Variants in C1orf116 observed in about 807,000 individuals in gnomAD.
The protein encoded by C1orf116 is chromosome 1 open reading frame 116.
In C1orf116, 12 loss-of-function variants were observed where a neutral mutation model predicts 14.1. The observed-to-expected ratio is 0.85, with a 90% CI of 0.54 to 1.38. The LOEUF (loss-of-function observed/expected upper bound fraction) is 1.38, where lower values mean the gene tolerates loss of function less well. Ranked by LOEUF, C1orf116 falls within the 40% of genes most tolerant of loss-of-function variation. The pLI, the probability that C1orf116 is intolerant of heterozygous loss-of-function variation, is 0.00. For missense variants in C1orf116, 797 were observed against 747.0 expected, an observed-to-expected ratio of 1.07 and a Z score of -0.78; for synonymous variants, 296 against 299.0, an observed-to-expected ratio of 0.99 and a Z score of 0.10.
Position 207,024,947 on chromosome 1 carries a change from C to G in C1orf116, c.223G>C (p.Glu75Gln), listed in dbSNP as rs1292595149. 1 of 1,613,998 alleles carries G rather than the reference C, an allele frequency of 6.2e-7. No individual in the cohort carries two copies. The highest frequency in any genetic ancestry group is 1.3e-5 in the African/African-American group (1 of 74,892). Residue 75 changes from glutamate to glutamine, a missense_variant, in exon 3 of 4, where the codon GAG (glutamate) becomes CAG (glutamine). Coordinates refer to ENST00000359470, the MANE Select transcript of C1orf116 (RefSeq NM_023938.6). ...AAACCTCTGGGAGTTGTGGCTGGCT[C>G]AGACTCGTCAGTGGACAGTCCGCTG... ...ADSGLSTDES[E>Q]PATTPRGFRA...
In C1orf116 at chr1:207,019,349, C is replaced by T. The variant is rs951405184; in HGVS notation, c.*2609G>A. The T allele has an allele frequency of 2.6e-5, 4 of 152,254 alleles. No individual in the cohort carries two copies. Among genetic ancestry groups the T allele is most frequent in the Admixed American group, 2.6e-4 (4 of 15,284 alleles). 9.4% of individuals were successfully genotyped at this position (152,254 alleles called of 1,614,324 possible). A position where few individuals can be genotyped will look rare whatever the true frequency, so the allele number is the denominator to read the frequency against. On this transcript the variant is annotated 3_prime_UTR_variant, in exon 4 of 4. Coordinates refer to ENST00000359470, the MANE Select transcript of C1orf116 (RefSeq NM_023938.6). ...GTGCCCAGTGGCATCAAGGCTATGGCAGGGTATAGCAGAGATCTAAGGCCA... is the reference window on the plus strand; with the variant it reads ...GTGCCCAGTGGCATCAAGGCTATGGTAGGGTATAGCAGAGATCTAAGGCCA...
At chr1:207,024,304 G>A (rs1007905807) in intron 3 of C1orf116, among the ~76,000 whole-genome samples, 4 of 152,186 alleles carry the variant, frequency 2.6e-5, no homozygotes, top group Non-Finnish European at 4.4e-5. Context: ...CAATACCAGC[G>A]GGACTGTCCT....
Position 207,024,899 on chromosome 1 carries a change from G to T in C1orf116, c.271C>A (p.Pro91Thr), listed in dbSNP as rs143212097. The change falls in exon 3 of 4, where the codon CCC becomes ACC. Residue 91 changes from proline to threonine, a missense_variant. Coordinates refer to ENST00000359470, the MANE Select transcript of C1orf116 (RefSeq NM_023938.6). ...RGFRALPITQ[P>T]TPRGGPEETI... ...GGGTCTGCCTTACCCCGGGGAGTGG[G>T]TTGGGTTATGGGCAGTGCTCGGAAA... The T allele has an allele frequency of 2.5e-6, 4 of 1,612,272 alleles. No homozygotes were observed. Among genetic ancestry groups the T allele is most frequent in the Non-Finnish European group, 3.4e-6 (4 of 1,178,572 alleles).
rs1214685497 is a variant in C1orf116 at position 207,020,981 on chromosome 1, G to A, written c.*977C>T. On this transcript the variant is annotated 3_prime_UTR_variant, in exon 4 of 4. Transcript: ENST00000359470. ...CTGATATTCTATTAAGACTGGCAGA[G>A]GATGTATTGTGTGGGTTTTCTATCA... 6.6e-6 allele frequency: 1 copy of A among 152,188 alleles called. No homozygotes were observed. Among genetic ancestry groups the A allele is most frequent in the Non-Finnish European group, 1.5e-5 (1 of 68,022 alleles). The allele number at this position is 152,188 out of a possible 1,614,324, so 9.4% of individuals were successfully genotyped here.
Position 207,022,208 on chromosome 1 carries a change from G to A in C1orf116, c.1556C>T (p.Ser519Leu), listed in dbSNP as rs754259052. The A allele has an allele frequency of 5.6e-6, 9 of 1,613,936 alleles. No homozygotes were observed. Among genetic ancestry groups the A allele is most frequent in the Admixed American group, 3.3e-5 (2 of 59,994 alleles). Residue 519 changes from serine (S) to leucine (L), a missense_variant, in exon 4 of 4, where the codon TCG (serine) becomes TTG (leucine). Coordinates refer to ENST00000359470, the MANE Select transcript of C1orf116 (RefSeq NM_023938.6). ...CCGAGAATTACGTAAGACACTGGGC[G>A]AGATCTTGTCCAAGAAGGAGCCCTT... ...LGKGSFLDKISPSVLRNSRPR... is the reference protein window; with the variant it reads ...LGKGSFLDKILPSVLRNSRPR...
chr1:207,030,167 C>A (rs1204626841), intron 1 of C1orf116, among the ~76,000 whole-genome samples: 1 of 152,184 alleles, frequency 6.6e-6, no homozygotes, highest in East Asian at 1.9e-4. Flanking sequence ...ATTCGATCTT[C>A]AGCATAAACT....
At position 207,023,172 on chromosome 1, in the gene C1orf116, T is replaced by G; in HGVS notation, c.592A>C (p.Ile198Leu). The G allele has an allele frequency of 6.2e-7, 1 of 1,610,178 alleles. No individual in the cohort carries two copies. Among genetic ancestry groups the G allele is most frequent in the Non-Finnish European group, 8.5e-7 (1 of 1,177,946 alleles). ...EAALDLDVVL[I>L]PPPEAFRDTQ... The stretch of plus-strand genomic sequence containing the variant: ...TCCCGGAAAGCTTCTGGCGGAGGGA[T>G]GAGCACCACGTCCAAGTCAAGGGCA... The change falls in exon 4 of 4, where the codon ATC becomes CTC. Residue 198 changes from isoleucine to leucine, a missense_variant. By Grantham distance (5) the Ile-to-Leu change is conservative (BLOSUM62 2). Coordinates refer to ENST00000359470, the MANE Select transcript of C1orf116 (RefSeq NM_023938.6).
rs1450307777 is a variant in C1orf116, at chr1:207,018,827, C to T, written c.*3131G>A. The stretch of plus-strand genomic sequence containing the variant: ...GACTTCTCCTGTCCATCCCCTTGGC[C>T]CCCTCTCCTCTAGTCCATGAGATTA... On this transcript the variant is annotated 3_prime_UTR_variant, in exon 4 of 4. Transcript: ENST00000359470. 2 of 152,280 alleles carry T rather than the reference C, an allele frequency of 1.3e-5. No homozygotes were observed. Among genetic ancestry groups the T allele is most frequent in the Non-Finnish European group, 2.9e-5 (2 of 68,138 alleles). 9.4% of individuals were successfully genotyped at this position (152,280 alleles called of 1,614,324 possible).
chr1:207,027,169 G>T (rs888135707), intron 2 of C1orf116, among the ~76,000 whole-genome samples: 4 of 152,186 alleles, frequency 2.6e-5, no homozygotes, highest in African/African-American at 9.7e-5. Flanking sequence ...AATAATCCAT[G>T]TGCTACAAGA....
rs753113430 is a variant in C1orf116 at position 207,022,419 on chromosome 1, G to T, written c.1345C>A (p.Pro449Thr). Residue 449 changes from proline (P) to threonine (T), a missense_variant, in exon 4 of 4, where the codon CCA becomes ACA. Pro to Thr is a conservative substitution (Grantham distance 38). Coordinates refer to ENST00000359470, the MANE Select transcript of C1orf116 (RefSeq NM_023938.6). ...KSMPISIPKAPRANSALTPPK... is the reference protein window; with the variant it reads ...KSMPISIPKATRANSALTPPK... ...GGAGTCAGGGCACTGTTTGCCCTTG[G>T]GGCCTTAGGGATAGAAATTGGCATA... 6.2e-6 allele frequency: 10 copies of T among 1,614,216 alleles called. No homozygotes were observed. In the Admixed American group the frequency reaches 1.7e-4, roughly 27 times the overall value.
Position 207,021,909 on chromosome 1 carries a change from T to A in C1orf116, c.*49A>T, listed in dbSNP as rs780380334. ...GTGGCAAAGGCTCCCAAGTGGAGCA[T>A]GTGTCTCTTCTTGTTCAGCCAGGAC... On this transcript the variant is annotated 3_prime_UTR_variant, in exon 4 of 4. Coordinates refer to ENST00000359470, the MANE Select transcript of C1orf116 (RefSeq NM_023938.6). 1.4e-6 allele frequency: 2 copies of A among 1,472,874 alleles called. No homozygotes were observed. Among genetic ancestry groups the A allele is most frequent in the Admixed American group, 2.4e-5 (1 of 41,966 alleles). The allele number at this position is 1,472,874 out of a possible 1,614,324, so 91.2% of individuals were successfully genotyped here.
rs757954124 is a variant in C1orf116 at position 207,023,404 on chromosome 1, A to G, written c.360T>C (p.Pro120=). 1 of 1,613,862 alleles carries G rather than the reference A, an allele frequency of 6.2e-7. No homozygotes were observed. Among genetic ancestry groups the G allele is most frequent in the Non-Finnish European group, 8.5e-7 (1 of 1,179,946 alleles). ...TVTESSSSHP[P]EPQGLGLRSG... is the part of the protein sequence containing the mutation. Reference sequence around the variant, plus strand: ...ACCTGAGGCCTAGGCCCTGGGGCTCAGGAGGGTGGGATGAGCTGGACTCAG... The same window carrying G: ...ACCTGAGGCCTAGGCCCTGGGGCTCGGGAGGGTGGGATGAGCTGGACTCAG... Residue 120 remains proline, a synonymous_variant, in exon 4 of 4, where the codon CCT becomes CCC. Transcript: ENST00000359470.
Position 207,022,250 on chromosome 1 carries a change from G to A in C1orf116, c.1514C>T (p.Thr505Ile). ...LSTEKDASPKTSTSLGKGSFL... is the reference protein window; with the variant it reads ...LSTEKDASPKISTSLGKGSFL... ...GGAGCCCTTTCCCAGAGAAGTGCTG[G>A]TTTTGGGGCTGGCATCTTTCTCAGT... The change falls in exon 4 of 4, where the codon ACC becomes ATC. Residue 505 changes from threonine (T) to isoleucine (I), a missense_variant. Thr to Ile is a moderately conservative substitution (Grantham distance 89). Transcript: ENST00000359470. 6.2e-7 allele frequency: 1 copy of A among 1,613,932 alleles called. No homozygotes were observed. Among genetic ancestry groups the A allele is most frequent in the East Asian group, 2.2e-5 (1 of 44,882 alleles).
rs1027605468 is a variant in C1orf116 at position 207,018,721 on chromosome 1, A to G, written c.*3237T>C. On this transcript the variant is annotated 3_prime_UTR_variant, in exon 4 of 4. Transcript: ENST00000359470. ...AAGTGATGGAGGCTGAATTTGAGCCAGATCTATATGCTCCATCATCACTCT... is the reference window on the plus strand; with the variant it reads ...AAGTGATGGAGGCTGAATTTGAGCCGGATCTATATGCTCCATCATCACTCT... The G allele has an allele frequency of 2.0e-5, 3 of 152,208 alleles. No individual in the cohort carries two copies. Among genetic ancestry groups the G allele is most frequent in the Non-Finnish European group, 2.9e-5 (2 of 68,042 alleles). The allele number at this position is 152,208 out of a possible 1,614,324, so 9.4% of individuals were successfully genotyped here. A position where few individuals can be genotyped will look rare whatever the true frequency, so the allele number is the denominator to read the frequency against.
intron 3 of C1orf116, 53 bp downstream of exon 3, chr1:207,024,834 C>T: frequency 6.3e-7 from 1 of 1,586,864 alleles, no homozygotes; most frequent in Non-Finnish European, 8.6e-7. Context: ...CCGGAGGGGA[C>T]ATATTGATTT....
Position 207,032,688 on chromosome 1 carries a change from T to C in C1orf116, c.-191A>G, listed in dbSNP as rs1349892925. The C allele has an allele frequency of 5.0e-5, 49 of 985,376 alleles. No homozygotes were observed. The highest frequency in any genetic ancestry group is 5.9e-5 in the Non-Finnish European group (49 of 829,986). The allele number at this position is 985,376 out of a possible 1,614,324, so 61.0% of individuals were successfully genotyped here. On this transcript the variant is annotated 5_prime_UTR_variant, in exon 1 of 4. Coordinates refer to ENST00000359470, the MANE Select transcript of C1orf116 (RefSeq NM_023938.6). ...GCCTCCTACTGTTTTCTTCTCCTTTTGAGCTCCTCCTGACTTACCTAGATA... is the reference window on the plus strand; with the variant it reads ...GCCTCCTACTGTTTTCTTCTCCTTTCGAGCTCCTCCTGACTTACCTAGATA...
At chr1:207,025,155 G>A (rs905497366) in intron 2 of C1orf116, 91 bp from the exon 3 acceptor site, 22 of 997,660 alleles carry the variant, frequency 2.2e-5, no homozygotes, top group Non-Finnish European at 2.2e-5. Context: ...GTGAGAAAGC[G>A]CTCCCTCCGC....
chr1:207,022,014 C>G lies in C1orf116; in HGVS notation c.1750G>C (p.Val584Leu). 6.4e-7 allele frequency: 1 copy of G among 1,564,044 alleles called. No homozygotes were observed. Among genetic ancestry groups the G allele is most frequent in the Non-Finnish European group, 8.6e-7 (1 of 1,158,952 alleles). The part of the protein sequence containing the change: ...CVSVKISPKG[V>L]PNEHRREALK... ...GCCTCCCTTCTGTGTTCATTGGGGA[C>G]ACCCTTTGGGGAGATCTTGACACTG... Residue 584 changes from valine to leucine, a missense_variant, in exon 4 of 4, where the codon GTC (valine) becomes CTC (leucine). Coordinates refer to ENST00000359470, the MANE Select transcript of C1orf116 (RefSeq NM_023938.6).
intron 2 of C1orf116, among the ~76,000 whole-genome samples, chr1:207,025,666 T>C (rs1682055594): frequency 6.6e-6 from 1 of 152,230 alleles, no homozygotes. Flanking sequence ...ATAAATGTAC[T>C]AAATGATTTG....
Sources: allele counts gnomAD v4.1 joint callset (sites outside exome capture counted in the v4.1 genomes callset), GRCh38; gene constraint gnomAD v4.1.1; transcripts MANE v1.5; gene names NCBI Gene and HGNC (gene_info 2026-07-23, HGNC 2026-07-21).